The following USP32 variants were observed in gnomAD, a reference collection of about 807,000 sequenced individuals.
USP32 encodes ubiquitin carboxyl-terminal hydrolase 32.
A neutral mutation model predicts 204.8 loss-of-function variants in USP32; 59 were observed. The observed-to-expected ratio is 0.29, with a 90% confidence interval of 0.23 to 0.36. USP32 has a LOEUF of 0.36. Ranked by LOEUF, USP32 falls within the 10% of genes least tolerant of loss-of-function variation. The probability of loss-of-function intolerance (pLI) is 1.00; values close to 1 mark genes in which losing one functional copy is unlikely to be tolerated. For synonymous variants in USP32, 517 were observed against 678.4 expected (o/e 0.76, Z 3.70); for missense variants, 1,160 against 1,946.4 (o/e 0.60, Z 7.60).
intron 1 of USP32, among the ~76,000 whole-genome samples, chr17:60,354,870 C>G (rs2089032159): frequency 6.6e-6 from 1 of 152,170 alleles, no homozygotes; most frequent in Non-Finnish European, 1.5e-5. Flanking sequence ...ACAGAGTTTG[C>G]TCCCTCTCTA....
At chr17:60,385,879 A>G (rs982295079) in intron 1 of USP32, among the ~76,000 whole-genome samples, 2 of 151,944 alleles carry the variant, frequency 1.3e-5, no homozygotes, top group African/African-American at 4.8e-5. Context: ...AAAATTAAAA[A>G]GAGCCTTATG....
chr17:60,307,101 C>CT lies in USP32; in HGVS notation c.187-5398dup, dbSNP rs557442387. ...TGGAATAATTAATTTTTTTTCCTTT[C>CT]TTTTTTTTTTTTTCTTTTGAGACAG... On this transcript the variant is annotated intron_variant, in intron 2 of 33. Coordinates refer to ENST00000300896, the MANE Select transcript of USP32 (RefSeq NM_032582.4). 4.0e-3 allele frequency among the ~76,000 whole-genome samples: 580 copies of CT among 143,702 alleles called. 2 individuals carry two copies. Among genetic ancestry groups the CT allele is most frequent in the South Asian group, 0.019 (84 of 4,488 alleles). 94.3% of individuals were successfully genotyped at this position (143,702 alleles called of 152,430 possible).
intron 5 of USP32, among the ~76,000 whole-genome samples, chr17:60,281,648 C>T (rs1441218952): frequency 6.6e-6 from 1 of 152,108 alleles, no homozygotes; most frequent in African/African-American, 2.4e-5. Context: ...TAAATTGTAT[C>T]ATTATCCCTG....
At chr17:60,349,615 ATATATATAT>A (rs1335761176) in intron 1 of USP32, among the ~76,000 whole-genome samples, 40 of 74,298 alleles carry the variant, frequency 5.4e-4, no homozygotes, top group African/African-American at 2.8e-3. Context: ...ATATATATAT[ATATATATAT>A]TATATATATA....
chr17:60,186,165 T>A (rs1416205727), intron 29 of USP32, among the ~76,000 whole-genome samples: 1 of 152,250 alleles, frequency 6.6e-6, no homozygotes, highest in African/African-American at 2.4e-5. Context: ...TTTCTATTTA[T>A]ATGACCATAG....
intron 1 of USP32, among the ~76,000 whole-genome samples, chr17:60,369,621 T>G (rs1282444650): frequency 6.6e-6 from 1 of 152,024 alleles, no homozygotes; most frequent in African/African-American, 2.4e-5. Flanking sequence ...TATACAAAAT[T>G]TTAACTCATA....
chr17:60,254,918 C>T (rs1255705878), intron 10 of USP32, among the ~76,000 whole-genome samples: 2 of 151,998 alleles, frequency 1.3e-5, no homozygotes, highest in African/African-American at 4.8e-5. Flanking sequence ...GCTTTTGCAA[C>T]TTATTCTCTA....
chr17:60,308,589 CTT>C (rs2087783275), intron 2 of USP32, among the ~76,000 whole-genome samples: 1 of 152,208 alleles, frequency 6.6e-6, no homozygotes, highest in East Asian at 1.9e-4. Context: ...AAAGAACAGT[CTT>C]TTCAATAAAT....
chr17:60,374,817 A>G (rs1394585573), intron 1 of USP32, among the ~76,000 whole-genome samples: 5 of 152,258 alleles, frequency 3.3e-5, no homozygotes, highest in Admixed American at 3.3e-4. Flanking sequence ...TTTCAGCTCT[A>G]CTATTATCTT....
chr17:60,318,606 GC>G (rs1015043147), intron 2 of USP32, among the ~76,000 whole-genome samples: 1 of 152,274 alleles, frequency 6.6e-6, no homozygotes, highest in African/African-American at 2.4e-5. Flanking sequence ...ATCATTAGTG[GC>G]TTTTAGCTGC....
intron 2 of USP32, among the ~76,000 whole-genome samples, chr17:60,323,400 T>C (rs1258327457): frequency 6.6e-6 from 1 of 152,210 alleles, no homozygotes; most frequent in Admixed American, 6.5e-5. Context: ...ATGAAATTAC[T>C]AGAATAGTGA....
At chr17:60,256,890 C>T in intron 9 of USP32, 1 of 477,256 alleles carries the variant, frequency 2.1e-6, no homozygotes, top group Non-Finnish European at 3.6e-6. Flanking sequence ...CCAGAGTATC[C>T]AGGTCCTTCC....
chr17:60,370,707 A>C (rs1253086522), intron 1 of USP32, among the ~76,000 whole-genome samples: 1 of 148,122 alleles, frequency 6.8e-6, no homozygotes, highest in Non-Finnish European at 1.5e-5. Flanking sequence ...GGCTACAGTG[A>C]GTTGTGATCA....
At chr17:60,304,727 A>C (rs1359468434) in intron 2 of USP32, among the ~76,000 whole-genome samples, 1 of 152,232 alleles carries the variant, frequency 6.6e-6, no homozygotes, top group Non-Finnish European at 1.5e-5. Flanking sequence ...TTATTATACC[A>C]ATTCACATGT....
chr17:60,275,794 G>A (rs116271976), intron 5 of USP32, among the ~76,000 whole-genome samples: 5 of 151,488 alleles, frequency 3.3e-5, no homozygotes, highest in South Asian at 2.1e-4. Flanking sequence ...TCACTGTAAC[G>A]TCTGCCTCCT....
chr17:60,282,474 G>A (rs181305172), intron 5 of USP32, among the ~76,000 whole-genome samples: 9 of 152,110 alleles, frequency 5.9e-5, no homozygotes, highest in South Asian at 2.1e-4. Flanking sequence ...CTGCCTCAGC[G>A]TCCAAGGTAG....
chr17:60,253,697 T>TA (rs2086225985), intron 10 of USP32, among the ~76,000 whole-genome samples: 1 of 151,954 alleles, frequency 6.6e-6, no homozygotes, highest in Non-Finnish European at 1.5e-5. Flanking sequence ...ACCTGAGAGA[T>TA]AGAGGTTGCA....
At chr17:60,330,897 C>T (rs2088365423) in intron 2 of USP32, among the ~76,000 whole-genome samples, 1 of 152,202 alleles carries the variant, frequency 6.6e-6, no homozygotes. Context: ...CCTCACCCTT[C>T]TCCCCTCCAT....
chr17:60,353,227 G>A (rs2088992744), intron 1 of USP32, among the ~76,000 whole-genome samples: 1 of 152,162 alleles, frequency 6.6e-6, no homozygotes, highest in South Asian at 2.1e-4. Context: ...ACAGAGGAAA[G>A]AGCATGTATG....
Sources: gnomAD v4.1 joint callset for allele counts (sites outside exome capture counted in the v4.1 genomes callset) on GRCh38, gnomAD v4.1.1 for gene constraint, MANE v1.5 for transcripts, NCBI Gene and HGNC (gene_info 2026-07-23, HGNC 2026-07-21) for gene names.